JAKMIP3: variants seen among roughly 807,000 people sequenced by gnomAD.
JAKMIP3 encodes the protein Janus kinase and microtubule interacting protein 3.
JAKMIP3 carries 58 observed loss-of-function variants against 118.5 expected under a neutral mutation model. The observed-to-expected ratio is 0.49, with a 90% CI of 0.40 to 0.61. The LOEUF (loss-of-function observed/expected upper bound fraction) is 0.61. JAKMIP3 is among the 20% of genes least tolerant of loss of function. The pLI is 0.00. For missense variants in JAKMIP3, 950 were observed against 1,109.0 expected (o/e 0.86, Z 2.04); for synonymous variants, 486 against 451.2 (o/e 1.08, Z -0.98).
intron 19 of JAKMIP3, among the ~76,000 whole-genome samples, chr10:132,155,124 A>G (rs955171028): frequency 1.5e-5 from 2 of 133,274 alleles, no homozygotes; most frequent in African/African-American, 5.7e-5. Context: ...GGTCATGATG[A>G]TGGTGATGGT....
At position 132,167,084 on chromosome 10, in the gene JAKMIP3, G is replaced by A. The variant is rs1212056052; in HGVS notation, c.*22+29G>A. The A allele has an allele frequency of 4.7e-6, 7 of 1,476,866 alleles. No individual in the cohort carries two copies. The South Asian group carries it at 8.5e-5, about 18-fold the overall frequency. The allele number at this position is 1,476,866 out of a possible 1,614,324, so 91.5% of individuals were successfully genotyped here. Reference sequence around the variant, plus strand: ...AGTATTTCGTTGGCAGGGCCCAGCAGGGGTCCCGCTCTGCTTCCCGGAAGA... The same window carrying A: ...AGTATTTCGTTGGCAGGGCCCAGCAAGGGTCCCGCTCTGCTTCCCGGAAGA... On this transcript the variant is annotated intron_variant, in intron 22 of 23. Coordinates refer to ENST00000684848, the MANE Select transcript of JAKMIP3 (RefSeq NM_001323087.2).
At chr10:132,126,641 C>A (rs1362373704) in intron 3 of JAKMIP3, among the ~76,000 whole-genome samples, 1 of 152,170 alleles carries the variant, frequency 6.6e-6, no homozygotes, top group Non-Finnish European at 1.5e-5. Flanking sequence ...CAATACTCTT[C>A]ATCAGATTAA....
intron 1 of JAKMIP3, among the ~76,000 whole-genome samples, chr10:132,050,394 C>T (rs2038064588): frequency 1.3e-5 from 2 of 152,186 alleles, no homozygotes; most frequent in East Asian, 3.9e-4. Flanking sequence ...ATGGACCCTT[C>T]ATCGCTCAGC....
intron 9 of JAKMIP3, among the ~76,000 whole-genome samples, chr10:132,139,662 G>A (rs563311381): frequency 4.6e-5 from 7 of 152,342 alleles, no homozygotes; most frequent in African/African-American, 1.7e-4. Context: ...CTGGGATTTG[G>A]AAGTGTCCAG....
chr10:132,166,356 T>C (rs1320807667), intron 21 of JAKMIP3, among the ~76,000 whole-genome samples: 1 of 152,130 alleles, frequency 6.6e-6, no homozygotes, highest in African/African-American at 2.4e-5. Context: ...GTGTTATTTC[T>C]TAAATCTAGC....
At chr10:132,159,567 G>T (rs545889593) in intron 19 of JAKMIP3, among the ~76,000 whole-genome samples, 6 of 107,164 alleles carry the variant, frequency 5.6e-5, no homozygotes, top group South Asian at 7.2e-4. Context: ...ATGCTGGGGG[G>T]GCGTGTCTCC....
intron 9 of JAKMIP3, among the ~76,000 whole-genome samples, chr10:132,139,075 T>TGTGTG (rs4009683): frequency 1.3e-5 from 2 of 150,172 alleles, no homozygotes; most frequent in East Asian, 4.0e-4. Flanking sequence ...TGTGTATGTG[T>TGTGTG]ATGTGTGTGT....
chr10:132,174,399 ATGGCCTCCG>A (rs1040557287), intron 23 of JAKMIP3, among the ~76,000 whole-genome samples: 16 of 151,706 alleles, frequency 1.1e-4, no homozygotes, highest in Admixed American at 2.0e-4. Flanking sequence ...GGTGGGCTCA[ATGGCCTCCG>A]TGGCCTCCGT....
chr10:132,065,183 G>T (rs1408371336), upstream of JAKMIP3, among the ~76,000 whole-genome samples: 2 of 152,026 alleles, frequency 1.3e-5, no homozygotes, highest in African/African-American at 4.8e-5. This position sits in a 1 kb window ranked among gnomAD's most constrained non-coding sequence, Gnocchi z 5.6. Context: ...GACTCTAAGC[G>T]GCCTCCTGCT....
In JAKMIP3 at chr10:132,133,467, C is replaced by T. The variant is rs781204024; in HGVS notation, c.789C>T (p.Pro263=). 5 of 1,584,070 alleles carry T rather than the reference C, an allele frequency of 3.2e-6. No individual in the cohort carries two copies. In the East Asian group the frequency reaches 9.3e-5, roughly 29 times the overall value. ...VREADRHPGS[P]RRELPHAAGA... is the part of the protein sequence containing the mutation. ...AGGCCGACCGGCACCCGGGCAGCCC[C>T]AGACGGGAACTTCCTCATGCAGCTG... The change falls in exon 4 of 24, where the codon CCC becomes CCT. Residue 263 remains proline (P), a synonymous_variant. Coordinates refer to ENST00000684848, the MANE Select transcript of JAKMIP3 (RefSeq NM_001323087.2).
At chr10:132,176,606 C>T (rs1022085220) in intron 23 of JAKMIP3, among the ~76,000 whole-genome samples, 5 of 152,280 alleles carry the variant, frequency 3.3e-5, no homozygotes, top group East Asian at 3.9e-4. Context: ...AACCGCTATA[C>T]GATCACGGCA....
intron 3 of JAKMIP3, among the ~76,000 whole-genome samples, chr10:132,126,502 T>A (rs1041464771): frequency 2.7e-5 from 4 of 148,880 alleles, no homozygotes; most frequent in Non-Finnish European, 6.0e-5. Flanking sequence ...AGGGTCTCGC[T>A]TTGTTGCCCA....
chr10:132,102,110 G>A (rs2045040342), intron 1 of JAKMIP3, among the ~76,000 whole-genome samples: 1 of 152,120 alleles, frequency 6.6e-6, no homozygotes, highest in African/African-American at 2.4e-5. Flanking sequence ...CCCATCTCTA[G>A]GAGTCTGTGC....
At position 132,167,987 on chromosome 10, in the gene JAKMIP3, G is replaced by C. The variant is rs1039744656; in HGVS notation, c.*57G>C. ...GAATCGGACCCTTTTCCTCCAGTGG[G>C]ACCAGAAAGCAGGGACAAAATGGGA... On this transcript the variant is annotated 3_prime_UTR_variant, in exon 23 of 24. Coordinates refer to ENST00000684848, the MANE Select transcript of JAKMIP3 (RefSeq NM_001323087.2). The C allele has an allele frequency of 2.3e-6, 3 of 1,289,564 alleles. No individual in the cohort carries two copies. Among genetic ancestry groups the C allele is most frequent in the Non-Finnish European group, 3.0e-6 (3 of 988,850 alleles). 79.9% of individuals were successfully genotyped at this position (1,289,564 alleles called of 1,614,324 possible).
rs2037853479 is a variant in JAKMIP3 at position 132,044,577 on chromosome 10, C to T, written c.-138+7839C>T. On this transcript the variant is annotated intron_variant, in intron 1 of 23. Coordinates refer to the JAKMIP3 transcript ENST00000657785. The surrounding 1 kb of genome is among the most constrained non-coding windows in gnomAD (Gnocchi z 5.3). ...GTGGCCCAAGGGAGCTGGGGTGCAC[C>T]TGGGACTAGAGCAGGCTGGGGTCCT... 6.6e-6 allele frequency among the ~76,000 whole-genome samples: 1 copy of T among 152,068 alleles called. No homozygotes were observed. The highest frequency in any genetic ancestry group is 1.9e-4 in the East Asian group (1 of 5,180).
At chr10:132,180,748 CGCGCGTGTGTGCGTGT>C (rs2061227103) in intron 23 of JAKMIP3, among the ~76,000 whole-genome samples, 2 of 8,328 alleles carry the variant, frequency 2.4e-4, no homozygotes, top group African/African-American at 1.4e-3. Context: ...CGTGCGTGCG[CGCGCGTGTGTGCGTGT>C]GTGTGCGTGT....
intron 23 of JAKMIP3, among the ~76,000 whole-genome samples, chr10:132,175,009 G>T (rs2060017620): frequency 6.6e-6 from 1 of 152,134 alleles, no homozygotes; most frequent in Admixed American, 6.5e-5. Context: ...CTGGATACGT[G>T]CCATTATCAG....
At chr10:132,146,608 G>A (rs902745620) in intron 13 of JAKMIP3, among the ~76,000 whole-genome samples, 4 of 152,170 alleles carry the variant, frequency 2.6e-5, no homozygotes, top group South Asian at 4.1e-4. Flanking sequence ...TGGCAGGTGC[G>A]GCCCTCTGGG....
chr10:132,053,233 C>T (rs1412974138), intron 1 of JAKMIP3, among the ~76,000 whole-genome samples: 2 of 152,250 alleles, frequency 1.3e-5, no homozygotes. Flanking sequence ...TCACCACCCT[C>T]AAAGTTGGGG....
Sources: gnomAD v4.1 joint callset for allele counts (sites outside exome capture counted in the v4.1 genomes callset) on GRCh38, gnomAD v4.1.1 for gene constraint, Gnocchi (gnomAD v3.1) non-coding constraint, MANE v1.5 for transcripts, NCBI Gene and HGNC (gene_info 2026-07-23, HGNC 2026-07-21) for gene names.